IQSEC3: variants seen among roughly 807,000 people sequenced by gnomAD.
IQSEC3 encodes IQ motif and Sec7 domain ArfGEF 3.
Under a neutral mutation model 105.4 loss-of-function variants are expected in IQSEC3, and 50 were observed. That is an observed-to-expected ratio of 0.47 (90% CI 0.38 to 0.60). The LOEUF (loss-of-function observed/expected upper bound fraction) is 0.60. IQSEC3 is among the 20% of genes least tolerant of loss of function. IQSEC3 has a pLI of 0.00. For synonymous variants in IQSEC3, 708 were observed against 746.0 expected (o/e 0.95, Z 0.83); for missense variants, 1,415 against 1,630.0 (o/e 0.87, Z 2.27).
In IQSEC3 at chr12:96,035, TC is replaced by T. The variant is rs144533004; in HGVS notation, c.555-3109del. 2.6e-3 allele frequency among the ~76,000 whole-genome samples: 393 copies of T among 152,272 alleles called. 2 individuals are homozygous for T. In the East Asian group the frequency reaches 0.027, roughly 10 times the overall value. On this transcript the variant is annotated intron_variant, in intron 1 of 13. Coordinates refer to ENST00000538872, the MANE Select transcript of IQSEC3 (RefSeq NM_001170738.2). ...TGGCCTGAGGCACAGTCTTAAGAGG[TC>T]CTAAGAACACGCACCCAAGGTGGTT...
At position 138,777 on chromosome 12, in the gene IQSEC3, G is replaced by C; in HGVS notation, c.1414G>C (p.Gly472Arg). The change falls in exon 4 of 14, where the codon GGC becomes CGC. Residue 472 changes from glycine (G) to arginine (R), a missense_variant. Physicochemically the swap from Gly to Arg is moderately radical, Grantham distance 125. Coordinates refer to ENST00000538872, the MANE Select transcript of IQSEC3 (RefSeq NM_001170738.2). This position sits in a 1 kb window ranked among gnomAD's most constrained non-coding sequence, Gnocchi z 7.1. ...GPGDDAAETP[G>R]LPPAHSGTLM... The stretch of plus-strand genomic sequence containing the variant: ...CGGGGATGACGCCGCGGAGACCCCC[G>C]GCCTGCCCCCGGCCCACAGCGGGAC... 1 of 1,596,328 alleles carries C rather than the reference G, an allele frequency of 6.3e-7. No homozygotes were observed. Among genetic ancestry groups the C allele is most frequent in the Non-Finnish European group, 8.5e-7 (1 of 1,174,954 alleles).
chr12:171,229 T>C (rs1555100171), intron 13 of IQSEC3, 68 bp downstream of exon 13: 1 of 1,613,984 alleles, frequency 6.2e-7, no homozygotes, highest in Admixed American at 1.7e-5. Context: ...TCACCGTCTC[T>C]GTTGTTTCTC....
chr12:138,896 G>A lies in IQSEC3; in HGVS notation c.1533G>A (p.Leu511=), dbSNP rs782243537. The A allele has an allele frequency of 1.2e-6, 2 of 1,609,648 alleles. No homozygotes were observed. Among genetic ancestry groups the A allele is most frequent in the South Asian group, 2.2e-5 (2 of 90,282 alleles). ...SSTALSVANC[L]GAQTVQAPAE... ...CGGCTCTGTCGGTGGCCAACTGCCT[G>A]GGCGCTCAGACGGTCCAGGCCCCCG... The change falls in exon 4 of 14, where the codon CTG becomes CTA. Residue 511 remains leucine (L), a synonymous_variant. Transcript: ENST00000538872. The surrounding 1 kb of genome is among the most constrained non-coding windows in gnomAD (Gnocchi z 7.1).
intron 1 of IQSEC3, among the ~76,000 whole-genome samples, chr12:68,785 T>C (rs1441633910): frequency 2.6e-5 from 4 of 152,234 alleles, no homozygotes; most frequent in African/African-American, 9.7e-5. Context: ...CCATCTGTGG[T>C]AGAGTTAGAG....
At chr12:70,739 T>C (rs532271255) in intron 1 of IQSEC3, among the ~76,000 whole-genome samples, 1 of 152,406 alleles carries the variant, frequency 6.6e-6, no homozygotes, top group East Asian at 1.9e-4. Context: ...TTAGTGTCCA[T>C]GGATGACAGG....
intron 1 of IQSEC3, among the ~76,000 whole-genome samples, chr12:79,368 G>T (rs1863668439): frequency 6.6e-6 from 1 of 152,182 alleles, no homozygotes; most frequent in South Asian, 2.1e-4. Context: ...CTGGCCACCT[G>T]TACTTGTACA....
At chr12:150,196 C>T (rs897776668) in intron 5 of IQSEC3, among the ~76,000 whole-genome samples, 5 of 152,190 alleles carry the variant, frequency 3.3e-5, no homozygotes, top group Admixed American at 6.5e-5. Flanking sequence ...CAGCGCACAG[C>T]CAGTGGTCTC....
chr12:87,311 AT>A lies in IQSEC3; in HGVS notation c.555-11832del, dbSNP rs560340535. On this transcript the variant is annotated intron_variant, in intron 1 of 13. Coordinates refer to ENST00000538872, the MANE Select transcript of IQSEC3 (RefSeq NM_001170738.2). ...GGGCTTCCTCCCAGCATGAAGGCTG[AT>A]TTCCTCTCATCACCATGCAAAAAAA... 2.6e-5 allele frequency among the ~76,000 whole-genome samples: 4 copies of A among 152,202 alleles called. No homozygotes were observed. In the South Asian group the frequency reaches 8.3e-4, roughly 32 times the overall value.
rs185875837 is a variant in IQSEC3 at position 131,770 on chromosome 12, G to A, written c.903+5858G>A. 4.1e-3 allele frequency among the ~76,000 whole-genome samples: 624 copies of A among 152,142 alleles called. 4 individuals are homozygous for A. The highest frequency in any genetic ancestry group is 0.015 in the African/African-American group (607 of 41,522). On this transcript the variant is annotated intron_variant, in intron 3 of 13. Coordinates refer to ENST00000538872, the MANE Select transcript of IQSEC3 (RefSeq NM_001170738.2). ...AGGAAGGTGGCACTGAGCATTGAGG[G>A]TGGGGAGGAAGGTGTAGGGGACAGT...
intron 2 of IQSEC3, chr12:106,549 T>C (rs1029167239): frequency 6.6e-6 from 1 of 152,240 alleles, no homozygotes; most frequent in African/African-American, 2.4e-5. Flanking sequence ...CTTTATTAGT[T>C]AAGGAAATAC....
chr12:137,803 C>T (rs1349696567), intron 3 of IQSEC3, among the ~76,000 whole-genome samples: 4 of 151,442 alleles, frequency 2.6e-5, no homozygotes, highest in Non-Finnish European at 5.9e-5. Flanking sequence ...CACAGGCGTG[C>T]GCGCACCAGG....
At chr12:115,758 A>G (rs1198337716) in intron 2 of IQSEC3, among the ~76,000 whole-genome samples, 2 of 152,170 alleles carry the variant, frequency 1.3e-5, no homozygotes, top group Non-Finnish European at 2.9e-5. Context: ...GATTTTAACC[A>G]CAGTCAGTCT....
Position 175,017 on chromosome 12 carries a change from C to A in IQSEC3, c.3533C>A (p.Ser1178Ter). Residue 1178 changes from serine (S) to a stop codon, truncating the protein, a stop_gained, in exon 14 of 14, where the codon TCA (serine) becomes TAA (stop). Coordinates refer to ENST00000538872, the MANE Select transcript of IQSEC3 (RefSeq NM_001170738.2). LOFTEE classifies it high-confidence loss of function. ...CACGGGCACCGCTACTCCAGTGGCT[C>A]AAGGAGCCTGGTGTAGACTCTGCCC... ...LLHGHRYSSG[S>*]RSLV The A allele has an allele frequency of 6.4e-7, 1 of 1,557,578 alleles. No homozygotes were observed. The highest frequency in any genetic ancestry group is 8.6e-7 in the Non-Finnish European group (1 of 1,159,386).
chr12:136,554 T>C (rs1289941899), intron 3 of IQSEC3, among the ~76,000 whole-genome samples: 4 of 152,086 alleles, frequency 2.6e-5, no homozygotes, highest in African/African-American at 9.7e-5. Flanking sequence ...GGCCTTTCTA[T>C]CTGTACCCTC....
chr12:110,420 A>G (rs1233949573), intron 2 of IQSEC3, among the ~76,000 whole-genome samples: 1 of 151,234 alleles, frequency 6.6e-6, no homozygotes, highest in African/African-American at 2.4e-5. Context: ...TTCTCTTTTT[A>G]TTGTTGGATC....
chr12:101,076 G>A (rs1864407399), intron 2 of IQSEC3, among the ~76,000 whole-genome samples: 1 of 152,208 alleles, frequency 6.6e-6, no homozygotes, highest in African/African-American at 2.4e-5. Context: ...AGGCCTCAGT[G>A]AGGATGGATA....
intron 1 of IQSEC3, among the ~76,000 whole-genome samples, chr12:98,773 C>T (rs1233062076): frequency 6.6e-6 from 1 of 152,206 alleles, no homozygotes; most frequent in Non-Finnish European, 1.5e-5. Flanking sequence ...GCAGGACCAT[C>T]GTGGAGAACA....
rs150191737 is a variant in IQSEC3 at position 134,775 on chromosome 12, G to A, written c.904-3492G>A. The stretch of plus-strand genomic sequence containing the variant: ...TAGCCAGGCACAGTGGCACATGCCT[G>A]TAATCCCAGCACTTTGGGAGGCCAA... On this transcript the variant is annotated intron_variant, in intron 3 of 13. Coordinates refer to ENST00000538872, the MANE Select transcript of IQSEC3 (RefSeq NM_001170738.2). Among the ~76,000 whole-genome samples the A allele has an allele frequency of 5.2e-3, 784 of 149,646 alleles. 5 individuals carry two copies. The highest frequency in any genetic ancestry group is 0.019 in the African/African-American group (755 of 40,334).
At chr12:171,306 T>C (rs782642813) in intron 13 of IQSEC3, 145 bp downstream of exon 13, 1 of 1,613,856 alleles carries the variant, frequency 6.2e-7, no homozygotes, top group African/African-American at 1.3e-5. Flanking sequence ...GAGATACAAT[T>C]AAAAGTTACT....
Sources: gnomAD v4.1 joint callset for allele counts (sites outside exome capture counted in the v4.1 genomes callset) on GRCh38, gnomAD v4.1.1 for gene constraint, Gnocchi (gnomAD v3.1) non-coding constraint, MANE v1.5 for transcripts, NCBI Gene and HGNC (gene_info 2026-07-23, HGNC 2026-07-21) for gene names.